ZNF407: variants seen among roughly 807,000 people sequenced by gnomAD.
ZNF407 encodes zinc finger protein 407.
A neutral mutation model predicts 131.2 loss-of-function variants in ZNF407; 17 were observed. The observed-to-expected ratio is 0.13, with a 90% CI of 0.09 to 0.19. The LOEUF is 0.19. ZNF407 is among the 10% of genes least tolerant of loss of function. The pLI is 1.00. For synonymous variants in ZNF407, 1,156 were observed against 1,062.0 expected, an observed-to-expected ratio of 1.09 and a Z score of -1.72; for missense variants, 2,681 against 2,830.6, an observed-to-expected ratio of 0.95 and a Z score of 1.20.
At chr18:74,687,872 A>G (rs182917505) in intron 3 of ZNF407, among the ~76,000 whole-genome samples, 51 of 152,258 alleles carry the variant, frequency 3.3e-4, no homozygotes, top group African/African-American at 1.2e-3. Context: ...TTTACCTTAT[A>G]TTTATAGTTC....
chr18:74,786,793 GTTTTTTTTTTTTTTT>G (rs869103622), intron 4 of ZNF407, among the ~76,000 whole-genome samples: 16 of 89,360 alleles, frequency 1.8e-4, no homozygotes, highest in African/African-American at 4.5e-4. Context: ...AAAAAAGTAT[GTTTTTTTTTTTTTTT>G]TTTTTTTTTT....
intron 8 of ZNF407, among the ~76,000 whole-genome samples, chr18:74,987,134 T>C (rs1298049066): frequency 1.3e-5 from 2 of 152,084 alleles, no homozygotes; most frequent in Admixed American, 6.5e-5. Context: ...ACACATCGCG[T>C]GTGTTAGAAA....
At chr18:74,617,981 C>A (rs1411434375) in intron 1 of ZNF407, among the ~76,000 whole-genome samples, 1 of 152,168 alleles carries the variant, frequency 6.6e-6, no homozygotes, top group African/African-American at 2.4e-5. Context: ...ACAAACAGAG[C>A]CATCCTTTTG....
chr18:74,901,900 A>G (rs1971530393), intron 7 of ZNF407, among the ~76,000 whole-genome samples: 3 of 118,310 alleles, frequency 2.5e-5, no homozygotes, highest in Admixed American at 1.1e-4. Flanking sequence ...ACAAGGTTTC[A>G]GTTTTATTTT....
At chr18:74,791,557 G>A (rs7229347) in intron 4 of ZNF407, among the ~76,000 whole-genome samples, 96,123 of 151,968 alleles carry the variant, frequency 0.63, 32,671 homozygotes, top group East Asian at 0.95. Context: ...ATTTATCGAT[G>A]CTGTCAGTGT....
intron 8 of ZNF407, among the ~76,000 whole-genome samples, chr18:74,952,593 A>C (rs1972227636): frequency 6.6e-6 from 1 of 152,246 alleles, no homozygotes; most frequent in Non-Finnish European, 1.5e-5. Context: ...ACCAGAGAGA[A>C]TGGGAGCAGG....
At chr18:74,955,916 T>C (rs140745135) in intron 8 of ZNF407, among the ~76,000 whole-genome samples, 200 of 152,312 alleles carry the variant, frequency 1.3e-3, no homozygotes, top group Admixed American at 2.9e-3. Context: ...GGCAAGACCA[T>C]ACTTTTTTGT....
intron 7 of ZNF407, among the ~76,000 whole-genome samples, chr18:74,914,471 A>G (rs540293790): frequency 1.3e-5 from 2 of 152,334 alleles, no homozygotes; most frequent in Admixed American, 1.3e-4. Flanking sequence ...ACTGGGAGCC[A>G]CAACCTGGAG....
chr18:74,867,733 T>G (rs1330583164), intron 4 of ZNF407, among the ~76,000 whole-genome samples: 1 of 152,208 alleles, frequency 6.6e-6, no homozygotes, highest in Non-Finnish European at 1.5e-5. Flanking sequence ...ACTAGTAAAA[T>G]TTTATACAGT....
chr18:74,726,915 T>C (rs1968171127), intron 3 of ZNF407, among the ~76,000 whole-genome samples: 1 of 152,106 alleles, frequency 6.6e-6, no homozygotes, highest in South Asian at 2.1e-4. Flanking sequence ...TTATTGGAGG[T>C]GAGAAGATCT....
intron 4 of ZNF407, among the ~76,000 whole-genome samples, chr18:74,844,205 C>G (rs556141532): frequency 6.6e-6 from 1 of 152,150 alleles, no homozygotes; most frequent in African/African-American, 2.4e-5. Context: ...TTTTCCTTCC[C>G]CCATGGCTTG....
intron 3 of ZNF407, among the ~76,000 whole-genome samples, chr18:74,691,560 T>C (rs1172085059): frequency 6.6e-6 from 1 of 152,036 alleles, no homozygotes; most frequent in African/African-American, 2.4e-5. Flanking sequence ...TGATTTGTAC[T>C]CTTTATTATT....
chr18:74,714,021 CT>C (rs1199759439), intron 3 of ZNF407, among the ~76,000 whole-genome samples: 7 of 152,306 alleles, frequency 4.6e-5, no homozygotes, highest in Admixed American at 6.5e-5. Context: ...ATGTATTAAG[CT>C]GCTTATCATT....
chr18:74,621,729 T>C (rs28552491), intron 1 of ZNF407, among the ~76,000 whole-genome samples: 128,311 of 152,196 alleles, frequency 0.84, 54,252 homozygotes, highest in Middle Eastern at 0.9. Context: ...AACAGCTCCG[T>C]ACTCAAGAGG....
At position 74,994,241 on chromosome 18, in the gene ZNF407, TA is replaced by T. The variant is rs10651618; in HGVS notation, c.5429-68899del. Among the ~76,000 whole-genome samples the T allele has an allele frequency of 3.8e-3, 562 of 149,492 alleles. 2 individuals are homozygous for T. Among genetic ancestry groups the T allele is most frequent in the South Asian group, 8.7e-3 (41 of 4,736 alleles). ...CTTCAGCTTACTCCCAAATGGCTCA[TA>T]AAAAAAAAATGTGTATATATAGAAA... On this transcript the variant is annotated intron_variant, in intron 8 of 8. Transcript: ENST00000299687.
rs550754523 is a variant in ZNF407 at position 74,676,650 on chromosome 18, G to C, written c.4802+35528G>C. On this transcript the variant is annotated intron_variant, in intron 3 of 8. Transcript: ENST00000299687. ...GGGGTTTCACCGTGTTAGCCAGGAT[G>C]GTCTCGATCTCCTGACCTCGTGATC... Among the ~76,000 whole-genome samples, 15 of 151,820 alleles carry C rather than the reference G, an allele frequency of 9.9e-5. No individual in the cohort carries two copies. In the South Asian group the frequency reaches 2.1e-3, roughly 21 times the overall value.
chr18:74,661,485 A>G (rs1448207416), intron 3 of ZNF407, among the ~76,000 whole-genome samples: 1 of 151,042 alleles, frequency 6.6e-6, no homozygotes, highest in African/African-American at 2.4e-5. Context: ...CTTGGTTTTC[A>G]TATTTTAGTA....
chr18:74,806,173 C>T lies in ZNF407; in HGVS notation c.4877+24671C>T, dbSNP rs1005646664. On this transcript the variant is annotated intron_variant, in intron 4 of 8. Coordinates refer to ENST00000299687, the MANE Select transcript of ZNF407 (RefSeq NM_017757.3). ...CAAATCTGGAGCAGTGGCTGGATGGCGCAGGGCCTGCTGTGACTGCAGGCC... is the reference window on the plus strand; with the variant it reads ...CAAATCTGGAGCAGTGGCTGGATGGTGCAGGGCCTGCTGTGACTGCAGGCC... Among the ~76,000 whole-genome samples the T allele has an allele frequency of 2.5e-4, 38 of 152,328 alleles. 1 individual carries two copies. Among genetic ancestry groups the T allele is most frequent in the African/African-American group, 7.5e-4 (31 of 41,572 alleles).
At chr18:74,599,750 T>C (rs550392781) in intron 1 of ZNF407, among the ~76,000 whole-genome samples, 3 of 152,326 alleles carry the variant, frequency 2.0e-5, no homozygotes, top group South Asian at 2.1e-4. Flanking sequence ...TAATAAAATA[T>C]ACTCTCCTAG....
Sources: gnomAD v4.1 joint callset for allele counts (sites outside exome capture counted in the v4.1 genomes callset) on GRCh38, gnomAD v4.1.1 for gene constraint, MANE v1.5 for transcripts, NCBI Gene and HGNC (gene_info 2026-07-23, HGNC 2026-07-21) for gene names.